SLC22A4: variants seen among roughly 807,000 people sequenced by gnomAD.
The protein encoded by SLC22A4 is solute carrier family 22 member 4, also known as ET transporter.
A neutral mutation model predicts 56.6 loss-of-function variants in SLC22A4; 39 were observed. The observed-to-expected ratio is 0.69, with a 90% CI of 0.53 to 0.90. SLC22A4 has a LOEUF of 0.90. SLC22A4 is among the 40% of genes least tolerant of loss of function. SLC22A4 has a pLI of 0.00. For missense variants in SLC22A4, 594 were observed against 696.5 expected (o/e 0.85, Z 1.66); for synonymous variants, 241 against 281.4 (o/e 0.86, Z 1.44).
At chr5:132,325,231 G>A (rs998785467) in intron 4 of SLC22A4, among the ~76,000 whole-genome samples, 1 of 152,234 alleles carries the variant, frequency 6.6e-6, no homozygotes, top group African/African-American at 2.4e-5. Flanking sequence ...TATCGTGGCT[G>A]TGTAGTAAGA....
At chr5:132,333,115 A>G (rs1315487046) in intron 6 of SLC22A4, among the ~76,000 whole-genome samples, 2 of 152,176 alleles carry the variant, frequency 1.3e-5, no homozygotes, top group African/African-American at 2.4e-5. Context: ...TATGTGTAAA[A>G]AGATCCACTA....
At chr5:132,299,870 C>T (rs1749872505) in intron 1 of SLC22A4, among the ~76,000 whole-genome samples, 1 of 152,196 alleles carries the variant, frequency 6.6e-6, no homozygotes, top group Non-Finnish European at 1.5e-5. Flanking sequence ...AATTTAAATA[C>T]GCGTTATGCA....
intron 8 of SLC22A4, among the ~76,000 whole-genome samples, chr5:132,338,188 T>C (rs899030461): frequency 2.9e-4 from 44 of 152,116 alleles, no homozygotes; most frequent in African/African-American, 1.0e-3. Context: ...TAAAGCTAGG[T>C]GTCCGGGGGA....
At chr5:132,296,951 A>T (rs376223923) in intron 1 of SLC22A4, among the ~76,000 whole-genome samples, 2 of 152,136 alleles carry the variant, frequency 1.3e-5, no homozygotes, top group Admixed American at 1.3e-4. Flanking sequence ...ATTCACACAC[A>T]TGCACCAGGA....
chr5:132,306,386 T>A (rs868617107), intron 1 of SLC22A4, among the ~76,000 whole-genome samples: 232 of 1,806 alleles, frequency 0.13, 1 homozygote, highest in African/African-American at 0.22. Context: ...AACCGTGAAA[T>A]ATATATATAT....
At chr5:132,333,881 C>A (rs545518245) in intron 6 of SLC22A4, among the ~76,000 whole-genome samples, 3 of 152,270 alleles carry the variant, frequency 2.0e-5, no homozygotes, top group Admixed American at 2.0e-4. Context: ...TCTCAGCTCA[C>A]TGCAACCTTC....
chr5:132,334,429 GACTAGC>G (rs1396811635), intron 6 of SLC22A4, among the ~76,000 whole-genome samples: 1 of 152,160 alleles, frequency 6.6e-6, no homozygotes, highest in Non-Finnish European at 1.5e-5. Context: ...GGTATATCTA[GACTAGC>G]ACTGTCCAAT....
intron 1 of SLC22A4, among the ~76,000 whole-genome samples, chr5:132,297,684 A>AT (rs1035702124): frequency 6.6e-6 from 1 of 151,922 alleles, no homozygotes; most frequent in Non-Finnish European, 1.5e-5. Flanking sequence ...GAAAAAAAAA[A>AT]CACCCAGAAA....
chr5:132,303,166 T>C (rs373681111), intron 1 of SLC22A4, among the ~76,000 whole-genome samples: 5 of 152,194 alleles, frequency 3.3e-5, no homozygotes, highest in Non-Finnish European at 5.9e-5. Context: ...TTTTGGAGAA[T>C]AGATGTTTTG....
chr5:132,324,677 T>A (rs1750639744), intron 4 of SLC22A4: 4 of 444,534 alleles, frequency 9.0e-6, no homozygotes, highest in Middle Eastern at 3.5e-4. Context: ...ATCAGTCTAG[T>A]GGTTGGGGTA....
rs114486470 is a variant in SLC22A4, at chr5:132,337,256, C to T, written c.1444+1256C>T. ...GAGTGGTTTTCAATAATCTCACCAA[C>T]AATAAAGATTACCTTTTTTTTTTTT... On this transcript the variant is annotated intron_variant, in intron 8 of 9. Coordinates refer to ENST00000200652, the MANE Select transcript of SLC22A4 (RefSeq NM_003059.3). Among the ~76,000 whole-genome samples the T allele has an allele frequency of 2.6e-3, 379 of 143,788 alleles. 1 individual carries two copies. The highest frequency in any genetic ancestry group is 9.3e-3 in the African/African-American group (363 of 38,982). 94.3% of individuals were successfully genotyped at this position (143,788 alleles called of 152,430 possible). A position where few individuals can be genotyped will look rare whatever the true frequency, so the allele number is the denominator to read the frequency against.
chr5:132,301,807 G>A (rs1561534204), intron 1 of SLC22A4, among the ~76,000 whole-genome samples: 1 of 151,934 alleles, frequency 6.6e-6, no homozygotes, highest in Non-Finnish European at 1.5e-5. Flanking sequence ...AACCTTCCGT[G>A]ATAGGCAGGT....
In SLC22A4 at chr5:132,340,578, A is replaced by C; in HGVS notation, c.1458A>C (p.Arg486Ser). The C allele has an allele frequency of 6.2e-7, 1 of 1,614,020 alleles. No homozygotes were observed. The highest frequency in any genetic ancestry group is 8.5e-7 in the Non-Finnish European group (1 of 1,179,906). Residue 486 changes from arginine (R) to serine (S), a missense_variant, in exon 9 of 10, where the codon AGA becomes AGC. Arg to Ser is a moderately radical substitution (Grantham distance 110, BLOSUM62 -1). Coordinates refer to ENST00000200652, the MANE Select transcript of SLC22A4 (RefSeq NM_003059.3). ...PYFVYLGAYN[R>S]MLPYIVMGSL... ...CGGGCTTTACAGGTGCTTACAACAG[A>C]ATGCTGCCCTACATCGTCATGGGTA...
At chr5:132,323,519 T>C (rs557426734) in intron 4 of SLC22A4, among the ~76,000 whole-genome samples, 13 of 152,162 alleles carry the variant, frequency 8.5e-5, no homozygotes, top group Non-Finnish European at 1.9e-4. Context: ...AGTTGACAGT[T>C]TGTTAAAGGT....
intron 1 of SLC22A4, among the ~76,000 whole-genome samples, chr5:132,309,530 G>A (rs1750127955): frequency 6.6e-6 from 1 of 152,216 alleles, no homozygotes; most frequent in Non-Finnish European, 1.5e-5. Flanking sequence ...GAAGGAGAAT[G>A]ATGGGAGATG....
chr5:132,335,104 A>G (rs1045494855), intron 7 of SLC22A4, among the ~76,000 whole-genome samples, 172 bp downstream of exon 7: 3 of 152,182 alleles, frequency 2.0e-5, no homozygotes, highest in African/African-American at 4.8e-5. Flanking sequence ...CAAAACAACT[A>G]CCCCAAACAG....
intron 2 of SLC22A4, among the ~76,000 whole-genome samples, chr5:132,312,924 G>T (rs1750223498): frequency 1.3e-5 from 2 of 152,164 alleles, no homozygotes; most frequent in African/African-American, 4.8e-5. Flanking sequence ...TGGAAAATGG[G>T]GCGGGAAAGG....
chr5:132,343,788 T>C lies in SLC22A4; in HGVS notation c.1609T>C (p.Ser537Pro). ...CAGATCTGGGAAAAAAACAAGAGAC[T>C]CAATGGAGACAGAAGAAAATCCCAA... ...WFRSGKKTRD[S>P]METEENPKVL... is the part of the protein sequence containing the mutation. Residue 537 changes from serine (S) to proline (P), a missense_variant, in exon 10 of 10, where the codon TCA (serine) becomes CCA (proline). By Grantham distance (74) the Ser-to-Pro change is moderately conservative. Transcript: ENST00000200652. 6.2e-7 allele frequency: 1 copy of C among 1,608,898 alleles called. No individual in the cohort carries two copies. The highest frequency in any genetic ancestry group is 8.5e-7 in the Non-Finnish European group (1 of 1,175,540).
intron 4 of SLC22A4, among the ~76,000 whole-genome samples, chr5:132,326,113 T>A (rs141227878): frequency 6.6e-6 from 1 of 152,362 alleles, no homozygotes; most frequent in Admixed American, 6.5e-5. Flanking sequence ...AGCTGTAACA[T>A]TGCCTCTTCA....
Sources: gnomAD v4.1 joint callset for allele counts (sites outside exome capture counted in the v4.1 genomes callset) on GRCh38, gnomAD v4.1.1 for gene constraint, MANE v1.5 for transcripts, NCBI Gene and HGNC (gene_info 2026-07-23, HGNC 2026-07-21) for gene names.